The following MARCHF8 variants were observed in gnomAD, a reference collection of about 807,000 sequenced individuals.
MARCHF8 encodes the protein membrane associated ring-CH-type finger 8.
A neutral mutation model predicts 51.6 loss-of-function variants in MARCHF8; 40 were observed. The ratio of observed to expected loss-of-function variants is 0.77; its 90% CI spans 0.60 to 1.01. MARCHF8 has a LOEUF of 1.01. MARCHF8 is among the 50% of genes least tolerant of loss of function. The probability of loss-of-function intolerance (pLI) is 0.00; values close to 1 mark genes in which losing one functional copy is unlikely to be tolerated. For missense variants in MARCHF8, 685 were observed against 708.6 expected (o/e 0.97, Z 0.38); for synonymous variants, 263 against 280.3 (o/e 0.94, Z 0.62).
At chr10:45,502,601 G>A (rs767058230) in intron 2 of MARCHF8, among the ~76,000 whole-genome samples, 6 of 152,142 alleles carry the variant, frequency 3.9e-5, no homozygotes, top group Non-Finnish European at 5.9e-5. Context: ...ACTGTGTCTT[G>A]CTCATCAGGA....
chr10:45,553,834 C>CAT (rs2044222955), intron 1 of MARCHF8, among the ~76,000 whole-genome samples: 1 of 43,050 alleles, frequency 2.3e-5, no homozygotes, highest in Non-Finnish European at 5.3e-5. Context: ...CATGGACATG[C>CAT]ACACACACAC....
At chr10:45,484,458 T>C (rs1193520263) in intron 3 of MARCHF8, among the ~76,000 whole-genome samples, 2 of 152,206 alleles carry the variant, frequency 1.3e-5, no homozygotes, top group African/African-American at 2.4e-5. Flanking sequence ...GTATAAAGCA[T>C]GTCACCTGTG....
rs1203940820 is a variant in MARCHF8 at position 45,481,910 on chromosome 10, T to C, written c.153+7457A>G. On this transcript the variant is annotated intron_variant, in intron 3 of 7. Coordinates refer to ENST00000453424, the MANE Select transcript of MARCHF8 (RefSeq NM_001282866.2). ...CCTTTTTGCAGATGATATGATTTTATACCTAGAAAAACCTAAAGGCTCCAT... is the reference window on the plus strand; with the variant it reads ...CCTTTTTGCAGATGATATGATTTTACACCTAGAAAAACCTAAAGGCTCCAT... Among the ~76,000 whole-genome samples the C allele has an allele frequency of 2.6e-5, 4 of 152,314 alleles. No individual in the cohort carries two copies. The South Asian group carries it at 8.3e-4, about 32-fold the overall frequency.
At chr10:45,584,769 A>G (rs1461803010) in intron 1 of MARCHF8, among the ~76,000 whole-genome samples, 1 of 152,176 alleles carries the variant, frequency 6.6e-6, no homozygotes, top group Non-Finnish European at 1.5e-5. Context: ...CTAGAGAAGG[A>G]AAAAAATATG....
intron 1 of MARCHF8, among the ~76,000 whole-genome samples, chr10:45,542,222 T>C (rs1026616417): frequency 6.6e-6 from 1 of 151,654 alleles, no homozygotes; most frequent in Non-Finnish European, 1.5e-5. Flanking sequence ...GGCGGGCACC[T>C]GTAGTCCCCA....
At chr10:45,571,471 ACT>A (rs2044428242) in intron 1 of MARCHF8, among the ~76,000 whole-genome samples, 1 of 151,156 alleles carries the variant, frequency 6.6e-6, no homozygotes, top group Non-Finnish European at 1.5e-5. Context: ...CCCTTTGCTG[ACT>A]CTCTTTTTGG....
intron 1 of MARCHF8, among the ~76,000 whole-genome samples, chr10:45,583,899 C>T (rs1214863487): frequency 6.7e-6 from 1 of 149,402 alleles, no homozygotes; most frequent in African/African-American, 2.5e-5. Flanking sequence ...CCAGCTACTC[C>T]GGAGGCTGAG....
chr10:45,551,819 C>A (rs2044198226), intron 1 of MARCHF8, among the ~76,000 whole-genome samples: 1 of 150,952 alleles, frequency 6.6e-6, no homozygotes, highest in Admixed American at 6.6e-5. Flanking sequence ...AGCTATCTAT[C>A]TATATATATA....
chr10:45,592,852 C>T (rs966605817), intron 1 of MARCHF8, among the ~76,000 whole-genome samples: 1 of 152,048 alleles, frequency 6.6e-6, no homozygotes, highest in Admixed American at 6.6e-5. Context: ...AGACAAACAA[C>T]GAATCTTTTT....
At chr10:45,574,585 C>T (rs2133401374) in intron 1 of MARCHF8, among the ~76,000 whole-genome samples, 1 of 152,322 alleles carries the variant, frequency 6.6e-6, no homozygotes, top group South Asian at 2.1e-4. Flanking sequence ...TCACAGACAG[C>T]CCCCATCACC....
chr10:45,524,572 T>C (rs562198734), intron 2 of MARCHF8, among the ~76,000 whole-genome samples: 1 of 152,098 alleles, frequency 6.6e-6, no homozygotes, highest in African/African-American at 2.4e-5. Context: ...GCAACAGGTT[T>C]ATTTTAAAGA....
rs187894858 is a variant in MARCHF8 at position 45,507,083 on chromosome 10, C to T, written c.103-17666G>A. On this transcript the variant is annotated intron_variant, in intron 2 of 7. Transcript: ENST00000453424. ...GCTAGTTTGCTAAAACAGTGGCATG[C>T]AACAGCTCACAATTATCCACTCCCT... 1.2e-4 allele frequency among the ~76,000 whole-genome samples: 18 copies of T among 152,288 alleles called. No individual in the cohort carries two copies. In the East Asian group the frequency reaches 1.7e-3, roughly 15 times the overall value.
At position 45,458,381 on chromosome 10, in the gene MARCHF8, C is replaced by T; in HGVS notation, c.1580G>A (p.Ser527Asn). ...AGATTTTTCAAAAATATTCTTTTTGCTTGTTTCTGGACAGTTTTGAACATA... is the reference window on the plus strand; with the variant it reads ...AGATTTTTCAAAAATATTCTTTTTGTTTGTTTCTGGACAGTTTTGAACATA... ...VIYVQNCPET[S>N]KKNIFEKSPL... Residue 527 changes from serine (S) to asparagine (N), a missense_variant, in exon 8 of 8, where the codon AGC (serine) becomes AAC (asparagine). Coordinates refer to ENST00000453424, the MANE Select transcript of MARCHF8 (RefSeq NM_001282866.2). The T allele has an allele frequency of 6.2e-7, 1 of 1,614,074 alleles. No homozygotes were observed. Among genetic ancestry groups the T allele is most frequent in the Non-Finnish European group, 8.5e-7 (1 of 1,180,010 alleles).
rs1357124834 is a variant in MARCHF8, at chr10:45,464,277, A to G, written c.204T>C (p.Ser68=). Residue 68 remains serine, a synonymous_variant, in exon 4 of 8, where the codon TCT becomes TCC. Coordinates refer to ENST00000453424, the MANE Select transcript of MARCHF8 (RefSeq NM_001282866.2). The part of the protein sequence containing the change: ...ASAPAPVSSF[S]RTSITPSSQD... Reference sequence around the variant, plus strand: ...GGCTGGATGGCGTGATAGAAGTGCGAGAGAAGGAGGACACCGGAGCCGGAG... The same window carrying G: ...GGCTGGATGGCGTGATAGAAGTGCGGGAGAAGGAGGACACCGGAGCCGGAG... The G allele has an allele frequency of 1.2e-6, 2 of 1,614,190 alleles. No individual in the cohort carries two copies. Among genetic ancestry groups the G allele is most frequent in the South Asian group, 1.1e-5 (1 of 91,084 alleles).
chr10:45,568,308 T>C (rs188699195), intron 1 of MARCHF8, among the ~76,000 whole-genome samples: 86 of 152,324 alleles, frequency 5.6e-4, no homozygotes, highest in Admixed American at 1.3e-3. Context: ...TAGTACTGCA[T>C]TGAATAACAG....
intron 2 of MARCHF8, among the ~76,000 whole-genome samples, chr10:45,502,982 G>T (rs532583184): frequency 6.6e-6 from 1 of 152,152 alleles, no homozygotes; most frequent in African/African-American, 2.4e-5. Flanking sequence ...GGTATGCAAT[G>T]TAGAATGTAA....
intron 1 of MARCHF8, among the ~76,000 whole-genome samples, chr10:45,576,225 G>GA (rs1224548571): frequency 6.6e-6 from 1 of 152,150 alleles, no homozygotes; most frequent in East Asian, 1.9e-4. Context: ...ACAGTTAAAT[G>GA]ATTTTCAGGG....
At chr10:45,502,812 T>C (rs986657616) in intron 2 of MARCHF8, among the ~76,000 whole-genome samples, 20 of 152,272 alleles carry the variant, frequency 1.3e-4, no homozygotes, top group African/African-American at 4.3e-4. Flanking sequence ...AGGAAAATGA[T>C]ACCAGAAAAC....
In MARCHF8 at chr10:45,459,278, AAC is replaced by A. The variant is rs1842712588; in HGVS notation, c.1270-13_1270-12del. ...CTGCAACTTCTCCCACTAGAAAGAC[AAC>A]ACAGAGTGTGAGGCTCAGGCTTCTG... On this transcript the variant is annotated splice_polypyrimidine_tract_variant and intron_variant, in intron 6 of 7. Coordinates refer to ENST00000453424, the MANE Select transcript of MARCHF8 (RefSeq NM_001282866.2). The A allele has an allele frequency of 6.2e-7, 1 of 1,613,424 alleles. No homozygotes were observed. Among genetic ancestry groups the A allele is most frequent in the Admixed American group, 1.7e-5 (1 of 59,916 alleles).
Sources: allele counts gnomAD v4.1 joint callset (sites outside exome capture counted in the v4.1 genomes callset), GRCh38; gene constraint gnomAD v4.1.1; transcripts MANE v1.5; gene names NCBI Gene and HGNC (gene_info 2026-07-23, HGNC 2026-07-21).